TUSC3: variants seen among roughly 807,000 people sequenced by gnomAD.
TUSC3 encodes the protein dolichyl-diphosphooligosaccharide--protein glycosyltransferase subunit TUSC3.
TUSC3 carries 45 observed loss-of-function variants against 44.8 expected under a neutral mutation model. The observed-to-expected ratio is 1.00, with a 90% confidence interval of 0.79 to 1.29. TUSC3 has a LOEUF of 1.29. Ranked by LOEUF, TUSC3 falls within the 50% of genes most tolerant of loss-of-function variation. The pLI, the probability that TUSC3 is intolerant of heterozygous loss-of-function variation, is 0.00. For missense variants in TUSC3, 519 were observed against 437.9 expected (o/e 1.19, Z -1.65); for synonymous variants, 212 against 152.9 (o/e 1.39, Z -2.85).
chr8:15,745,657 T>G (rs565654908), intron 8 of TUSC3, among the ~76,000 whole-genome samples: 13 of 151,974 alleles, frequency 8.6e-5, no homozygotes, highest in African/African-American at 3.1e-4. Flanking sequence ...TGTTTTTTGC[T>G]TGTGGATTTA....
At chr8:15,709,628 G>C (rs1314978039) in intron 6 of TUSC3, among the ~76,000 whole-genome samples, 1 of 151,732 alleles carries the variant, frequency 6.6e-6, no homozygotes, top group Non-Finnish European at 1.5e-5. Context: ...GGAGGAGGAT[G>C]ATGATGATGA....
chr8:15,430,458 A>G lies in TUSC3; in HGVS notation n.91+13153A>G, dbSNP rs537639257. Among the ~76,000 whole-genome samples, 55 of 150,674 alleles carry G rather than the reference A, an allele frequency of 3.7e-4. 1 individual carries two copies. In the South Asian group the frequency reaches 0.011, roughly 30 times the overall value. On this transcript the variant is annotated intron_variant and non_coding_transcript_variant, in intron 1 of 5. Transcript: ENST00000503191. Reference sequence around the variant, plus strand: ...TCATGTTAAAAACTCTCAATAAATTAAGTATTGATGGGATGTATCTCAAAA... The same window carrying G: ...TCATGTTAAAAACTCTCAATAAATTGAGTATTGATGGGATGTATCTCAAAA...
chr8:15,593,448 C>T (rs531043433), intron 1 of TUSC3, among the ~76,000 whole-genome samples: 230 of 152,252 alleles, frequency 1.5e-3, no homozygotes, highest in Admixed American at 2.9e-3. Context: ...CCTGTGTTTT[C>T]ACCATGATTA....
intron 6 of TUSC3, among the ~76,000 whole-genome samples, chr8:15,696,079 TC>T (rs761332050): frequency 5.9e-5 from 9 of 152,172 alleles, no homozygotes; most frequent in African/African-American, 9.7e-5. Context: ...TGAATGTTAA[TC>T]CCCAAGACAA....
At chr8:15,814,635 CATA>C in the TUSC3 span, among the ~76,000 whole-genome samples, 2 of 152,148 alleles carry the variant, frequency 1.3e-5, no homozygotes, top group African/African-American at 4.8e-5. Context: ...CAAATACCCG[CATA>C]ATATTAGTCT....
intron 2 of TUSC3, among the ~76,000 whole-genome samples, chr8:15,505,554 A>G (rs1306642022): frequency 6.6e-6 from 1 of 152,114 alleles, no homozygotes; most frequent in East Asian, 1.9e-4. Flanking sequence ...CCGATTCCAT[A>G]GTTTCCTTTA....
At chr8:15,627,714 G>C (rs1805579463) in intron 2 of TUSC3, among the ~76,000 whole-genome samples, 1 of 152,232 alleles carries the variant, frequency 6.6e-6, no homozygotes, top group Non-Finnish European at 1.5e-5. Context: ...TCCACCTGCA[G>C]CCTCACAGGG....
At chr8:15,734,759 T>G (rs1368281206) in intron 7 of TUSC3, among the ~76,000 whole-genome samples, 1 of 152,146 alleles carries the variant, frequency 6.6e-6, no homozygotes, top group African/African-American at 2.4e-5. Context: ...ATAAAAAGTT[T>G]CAGAGACAGA....
At chr8:15,509,878 A>G (rs1801108511) in intron 2 of TUSC3, among the ~76,000 whole-genome samples, 1 of 152,204 alleles carries the variant, frequency 6.6e-6, no homozygotes, top group African/African-American at 2.4e-5. Flanking sequence ...AATTTTAATA[A>G]GTTATTTCCC....
intron 2 of TUSC3, among the ~76,000 whole-genome samples, chr8:15,490,537 C>T (rs989873429): frequency 3.3e-5 from 5 of 152,262 alleles, no homozygotes; most frequent in Admixed American, 1.3e-4. Context: ...GAGGCCAGCA[C>T]TGAAGGAGAA....
At chr8:15,623,770 T>G (rs1805361329) in intron 2 of TUSC3, among the ~76,000 whole-genome samples, 1 of 152,178 alleles carries the variant, frequency 6.6e-6, no homozygotes, top group South Asian at 2.1e-4. Flanking sequence ...AAACACTTTT[T>G]TAAATTGAAA....
At chr8:15,716,261 GA>G (rs1176175119) in intron 6 of TUSC3, among the ~76,000 whole-genome samples, 1 of 151,646 alleles carries the variant, frequency 6.6e-6, no homozygotes, top group African/African-American at 2.4e-5. Flanking sequence ...TTCTCCAGAA[GA>G]AAAAAACAAA....
chr8:15,708,871 A>G (rs1242630418), intron 6 of TUSC3, among the ~76,000 whole-genome samples: 2 of 151,910 alleles, frequency 1.3e-5, no homozygotes, highest in East Asian at 3.9e-4. Context: ...ATACATCAGA[A>G]TTTCAGATTA....
intron 2 of TUSC3, among the ~76,000 whole-genome samples, chr8:15,635,560 G>A (rs1806028317): frequency 6.6e-6 from 1 of 152,112 alleles, no homozygotes; most frequent in Admixed American, 6.5e-5. Flanking sequence ...CAATGGAATG[G>A]CTACAGTTAA....
intron 2 of TUSC3, among the ~76,000 whole-genome samples, chr8:15,518,011 C>A (rs1011565933): frequency 6.6e-6 from 1 of 151,880 alleles, no homozygotes; most frequent in African/African-American, 2.4e-5. Context: ...CACATTCGCA[C>A]CTGTTCCTAC....
chr8:15,518,922 G>A (rs1031805075), intron 2 of TUSC3, among the ~76,000 whole-genome samples: 1 of 152,102 alleles, frequency 6.6e-6, no homozygotes, highest in Non-Finnish European at 1.5e-5. Flanking sequence ...ATTTGAAAAT[G>A]TTCAGTGAAC....
chr8:15,785,496 A>T, the TUSC3 span, among the ~76,000 whole-genome samples: 2 of 150,538 alleles, frequency 1.3e-5, no homozygotes, highest in Non-Finnish European at 3.0e-5. Context: ...ACCTTTCTTG[A>T]ACTACCATCC....
intron 1 of TUSC3, among the ~76,000 whole-genome samples, chr8:15,618,353 C>G (rs1482965524): frequency 6.6e-6 from 1 of 152,120 alleles, no homozygotes; most frequent in East Asian, 1.9e-4. Context: ...AATACAAACA[C>G]ATTTTACAGC....
chr8:15,771,615 T>C (rs1484624835), downstream of TUSC3, among the ~76,000 whole-genome samples: 1 of 152,002 alleles, frequency 6.6e-6, no homozygotes, highest in African/African-American at 2.4e-5. Context: ...ACTGGAAAAC[T>C]AACAAATATG....
Sources: allele counts gnomAD v4.1 joint callset (sites outside exome capture counted in the v4.1 genomes callset), GRCh38; gene constraint gnomAD v4.1.1; transcripts MANE v1.5; gene names NCBI Gene and HGNC (gene_info 2026-07-23, HGNC 2026-07-21).